CEP128: variants seen among roughly 807,000 people sequenced by gnomAD.
CEP128 encodes centrosomal protein 128.
Under a neutral mutation model 156.7 loss-of-function variants are expected in CEP128, and 132 were observed. That is an observed-to-expected ratio of 0.84 (90% CI 0.73 to 0.97). The LOEUF (loss-of-function observed/expected upper bound fraction) is 0.97. Ranked by LOEUF, CEP128 falls within the 50% of genes least tolerant of loss-of-function variation. The pLI is 0.00. For missense variants in CEP128, 1,252 were observed against 1,281.9 expected, an observed-to-expected ratio of 0.98 and a Z score of 0.36; for synonymous variants, 469 against 448.9, an observed-to-expected ratio of 1.04 and a Z score of -0.57.
chr14:80,577,793 G>A (rs1461716202), intron 20 of CEP128, among the ~76,000 whole-genome samples: 1 of 152,106 alleles, frequency 6.6e-6, no homozygotes, highest in African/African-American at 2.4e-5. Context: ...ACTCCTCCAC[G>A]AGGTCCTTTA....
intron 19 of CEP128, among the ~76,000 whole-genome samples, chr14:80,606,225 G>C (rs191958691): frequency 9.2e-5 from 14 of 152,180 alleles, no homozygotes; most frequent in Non-Finnish European, 1.8e-4. Flanking sequence ...ATCTTTAAAG[G>C]CTACTTGTTT....
intron 9 of CEP128, among the ~76,000 whole-genome samples, chr14:80,843,578 GT>G (rs1886449477): frequency 6.6e-6 from 1 of 151,932 alleles, no homozygotes; most frequent in African/African-American, 2.4e-5. Context: ...GAAAATAGTT[GT>G]TCTTACTATA....
intron 14 of CEP128, among the ~76,000 whole-genome samples, chr14:80,485,107 A>T (rs960328137): frequency 9.2e-5 from 14 of 152,138 alleles, no homozygotes; most frequent in African/African-American, 3.4e-4. Context: ...AGATTTGTCT[A>T]TGAGAAGTTC....
intron 8 of CEP128, among the ~76,000 whole-genome samples, chr14:80,870,443 A>C (rs1441511348): frequency 6.6e-6 from 1 of 152,108 alleles, no homozygotes; most frequent in African/African-American, 2.4e-5. Flanking sequence ...CAAAGCTGCA[A>C]ATCAATAAGT....
intron 19 of CEP128, among the ~76,000 whole-genome samples, chr14:80,656,211 T>C (rs753142975): frequency 9.7e-5 from 14 of 144,016 alleles, no homozygotes; most frequent in Non-Finnish European, 1.5e-4. Context: ...ATGAGTTACA[T>C]AGAAGAAAAA....
chr14:80,852,819 T>G (rs1430584905), intron 9 of CEP128, among the ~76,000 whole-genome samples: 1 of 151,912 alleles, frequency 6.6e-6, no homozygotes, highest in Non-Finnish European at 1.5e-5. Flanking sequence ...TTTATGACAC[T>G]AATGTAACCA....
intron 9 of CEP128, among the ~76,000 whole-genome samples, chr14:80,851,352 T>G (rs1043113615): frequency 3.3e-5 from 5 of 152,152 alleles, no homozygotes; most frequent in African/African-American, 1.2e-4. Flanking sequence ...GCAATGGAAC[T>G]GAAGGGGCGA....
rs772394778 is a variant in CEP128 at position 80,784,975 on chromosome 14, G to A, written c.2131C>T (p.His711Tyr). Reference sequence around the variant, plus strand: ...ATAAGCTCCTGGATATTCTGTTCGTGTTTTGTTTTCACACTCTGCAATGAT... The same window carrying A: ...ATAAGCTCCTGGATATTCTGTTCGTATTTTGTTTTCACACTCTGCAATGAT... ...TSSLQSVKTK[H>Y]EQNIQELMKH... The change falls in exon 15 of 25, where the codon CAC becomes TAC. Residue 711 changes from histidine to tyrosine, a missense_variant. Transcript: ENST00000555265. 4 of 1,614,076 alleles carry A rather than the reference G, an allele frequency of 2.5e-6. No individual in the cohort carries two copies. The highest frequency in any genetic ancestry group is 3.4e-6 in the Non-Finnish European group (4 of 1,179,964).
chr14:80,778,825 A>G (rs1474364102), intron 15 of CEP128, among the ~76,000 whole-genome samples: 1 of 152,180 alleles, frequency 6.6e-6, no homozygotes, highest in Non-Finnish European at 1.5e-5. Context: ...TAATGTAAAC[A>G]CTATGTGCCA....
intron 19 of CEP128, among the ~76,000 whole-genome samples, chr14:80,683,834 T>C (rs1475013801): frequency 1.3e-5 from 2 of 151,966 alleles, no homozygotes; most frequent in African/African-American, 4.8e-5. Flanking sequence ...CACACAATTA[T>C]ACGAAAATGA....
chr14:80,489,091 A>T (rs1887239220), downstream of CEP128, among the ~76,000 whole-genome samples: 1 of 151,858 alleles, frequency 6.6e-6, no homozygotes, highest in South Asian at 2.1e-4. Flanking sequence ...ATATGTAACA[A>T]ACCTGCACAT....
At chr14:80,841,785 T>C (rs1241219271) in intron 9 of CEP128, among the ~76,000 whole-genome samples, 2 of 151,978 alleles carry the variant, frequency 1.3e-5, no homozygotes, top group East Asian at 3.9e-4. Flanking sequence ...GGGCACTGCT[T>C]CTTCATATTG....
At chr14:80,951,334 G>A (rs1886459352) in intron 2 of CEP128, among the ~76,000 whole-genome samples, 1 of 152,138 alleles carries the variant, frequency 6.6e-6, no homozygotes, top group African/African-American at 2.4e-5. Flanking sequence ...TATGGCGATG[G>A]AAGCATAAAG....
At chr14:80,556,564 G>C (rs1404300106) in intron 21 of CEP128, among the ~76,000 whole-genome samples, 1 of 152,138 alleles carries the variant, frequency 6.6e-6, no homozygotes, top group African/African-American at 2.4e-5. Context: ...TGTGACCTAA[G>C]CAGATAGATA....
intron 9 of CEP128, among the ~76,000 whole-genome samples, chr14:80,843,365 C>T (rs1451659198): frequency 6.6e-6 from 1 of 152,082 alleles, no homozygotes; most frequent in Non-Finnish European, 1.5e-5. Context: ...CTCCTAATCA[C>T]TCAGCAGTGC....
intron 20 of CEP128, among the ~76,000 whole-genome samples, chr14:80,576,058 C>T (rs371364443): frequency 1.3e-5 from 2 of 151,762 alleles, no homozygotes; most frequent in Non-Finnish European, 1.5e-5. Flanking sequence ...TACTAACTCT[C>T]GGTGTGTGCT....
intron 19 of CEP128, among the ~76,000 whole-genome samples, chr14:80,601,500 C>T (rs1181241255): frequency 6.6e-6 from 1 of 152,038 alleles, no homozygotes; most frequent in Non-Finnish European, 1.5e-5. Context: ...TTTGGGGGGA[C>T]CACATTCAAA....
intron 9 of CEP128, among the ~76,000 whole-genome samples, chr14:80,842,086 A>C (rs1886373295): frequency 6.6e-6 from 1 of 152,026 alleles, no homozygotes; most frequent in South Asian, 2.1e-4. Context: ...TCCCCTTAGA[A>C]CATCTGATAA....
At chr14:80,949,920 A>G (rs1399762612) in intron 2 of CEP128, among the ~76,000 whole-genome samples, 1 of 152,226 alleles carries the variant, frequency 6.6e-6, no homozygotes, top group Non-Finnish European at 1.5e-5. Flanking sequence ...TCAAACAAGG[A>G]CACTGTTGTA....
Sources: allele counts gnomAD v4.1 joint callset (sites outside exome capture counted in the v4.1 genomes callset), GRCh38; gene constraint gnomAD v4.1.1; transcripts MANE v1.5; gene names NCBI Gene and HGNC (gene_info 2026-07-23, HGNC 2026-07-21).